The following APBB1 variants were observed in gnomAD, a reference collection of about 807,000 sequenced individuals.
The protein encoded by APBB1 is amyloid beta precursor protein binding family B member 1, also known as adaptor protein FE65a2.
A neutral mutation model predicts 78.4 loss-of-function variants in APBB1; 22 were observed. The observed-to-expected ratio is 0.28, with a 90% CI of 0.20 to 0.40. The LOEUF (loss-of-function observed/expected upper bound fraction) is 0.40, where lower values mean the gene tolerates loss of function less well. Ranked by LOEUF, APBB1 falls within the 10% of genes least tolerant of loss-of-function variation. APBB1 has a pLI of 1.00. For synonymous variants in APBB1, 369 were observed against 372.7 expected (o/e 0.99, Z 0.12); for missense variants, 749 against 932.4 (o/e 0.80, Z 2.56).
At chr11:6,404,174 C>G (rs1848681812) in intron 2 of APBB1, 1 of 355,298 alleles carries the variant, frequency 2.8e-6, no homozygotes, top group Non-Finnish European at 5.1e-6. Flanking sequence ...AAGGTGAACA[C>G]TTTCTAGCTC....
In APBB1 at chr11:6,402,135, G is replaced by C. The variant is rs143708016; in HGVS notation, c.1329C>G (p.His443Gln). The C allele has an allele frequency of 1.9e-6, 3 of 1,614,046 alleles. No homozygotes were observed. The highest frequency in any genetic ancestry group is 3.3e-5 in the Admixed American group (2 of 60,018). Residue 443 changes from histidine to glutamine, a missense_variant, in exon 8 of 15, where the codon CAC becomes CAG. Physicochemically the swap from His to Gln is conservative, Grantham distance 24. Around this residue, in one of 3 missense-constraint regions of APBB1, gnomAD observed 635 missense variants for 765.0 expected, o/e 0.83. Transcript: ENST00000609360. ...CGCGGATGCTGATGATGGGTTGGGC[G>C]TGCAGCAGTGCCTGGCTCTGTGGCT... is the stretch of plus-strand genomic sequence containing the variant. ...LVEPQSQALL[H>Q]AQPIISIRVW...
rs1848179545 is a variant in APBB1 at position 6,395,757 on chromosome 11, A to G, written c.1965+29T>C. On this transcript the variant is annotated intron_variant, in intron 14 of 14. Transcript: ENST00000609360. This position sits in a 1 kb window ranked among gnomAD's most constrained non-coding sequence, Gnocchi z 5.2. ...AGCCTACCTCCCATGGGGCCACGCC[A>G]CCACCACACCACCCTACTAGTAGCT... 1 of 1,605,316 alleles carries G rather than the reference A, an allele frequency of 6.2e-7. No homozygotes were observed. Among genetic ancestry groups the G allele is most frequent in the African/African-American group, 1.4e-5 (1 of 72,528 alleles).
Position 6,400,457 on chromosome 11 carries a change from G to C in APBB1, c.1672+532C>G, listed in dbSNP as rs563821795. Among the ~76,000 whole-genome samples the C allele has an allele frequency of 7.9e-5, 12 of 151,712 alleles. No homozygotes were observed. The East Asian group carries it at 2.1e-3, about 27-fold the overall frequency. The stretch of plus-strand genomic sequence containing the variant: ...TTCAGGAGGCTAAGGCAGGAGAATT[G>C]CTTGAACCCAGGAGGCGGAGGTTGC... On this transcript the variant is annotated intron_variant, in intron 12 of 14. Coordinates refer to ENST00000609360, the MANE Select transcript of APBB1 (RefSeq NM_001164.5).
chr11:6,405,959 G>A lies in APBB1; in HGVS notation c.722-2137C>T, dbSNP rs182906907. ...TGGCTGGACACTTCTGGAATCTGGG[G>A]ACCAGTTCACCATCTCCTGACTGAG... On this transcript the variant is annotated intron_variant, in intron 2 of 14. Coordinates refer to ENST00000609360, the MANE Select transcript of APBB1 (RefSeq NM_001164.5). Among the ~76,000 whole-genome samples the A allele has an allele frequency of 3.9e-5, 6 of 152,264 alleles. No homozygotes were observed. In the East Asian group the frequency reaches 1.2e-3, roughly 29 times the overall value.
intron 12 of APBB1, among the ~76,000 whole-genome samples, chr11:6,400,010 T>C (rs1262069207): frequency 6.6e-6 from 1 of 152,200 alleles, no homozygotes; most frequent in Admixed American, 6.5e-5. Context: ...GAAATTCCTT[T>C]GTTATATCTT....
chr11:6,409,151 T>C (rs1288492991), intron 2 of APBB1, among the ~76,000 whole-genome samples: 1 of 152,038 alleles, frequency 6.6e-6, no homozygotes, highest in East Asian at 1.9e-4. Flanking sequence ...CTCACTGTAG[T>C]CTCGACTTTC....
At chr11:6,397,092 ATGT>A (rs1247689540) in intron 12 of APBB1, among the ~76,000 whole-genome samples, 1 of 152,210 alleles carries the variant, frequency 6.6e-6, no homozygotes, top group Non-Finnish European at 1.5e-5. Flanking sequence ...GCAGGAGCAC[ATGT>A]TGTGGCAAAG....
At chr11:6,398,394 A>C (rs945478085) in intron 12 of APBB1, among the ~76,000 whole-genome samples, 15 of 152,346 alleles carry the variant, frequency 9.8e-5, no homozygotes, top group Admixed American at 8.5e-4. Context: ...TCAGGCATTC[A>C]TTACCACTTG....
rs2134031891 is a variant in APBB1, at chr11:6,395,811, G to A, written c.1940C>T (p.Ser647Leu). Reference protein sequence around the residue: ...FWCEPNAASLSEAVQAACMLR... With the variant: ...FWCEPNAASLLEAVQAACMLR... ...CATGCACGCAGCCTGCACAGCCTCT[G>A]AGAGGCTGGCAGCATTGGGCTCGCA... The change falls in exon 14 of 15, where the codon TCA becomes TTA. Residue 647 changes from serine to leucine, a missense_variant. This residue lies in a region of APBB1 where 96 missense variants were observed against 116.0 expected (regional missense o/e 0.83). Coordinates refer to ENST00000609360, the MANE Select transcript of APBB1 (RefSeq NM_001164.5). The surrounding 1 kb of genome is among the most constrained non-coding windows in gnomAD (Gnocchi z 5.2). 1 of 1,614,106 alleles carries A rather than the reference G, an allele frequency of 6.2e-7. No homozygotes were observed. The highest frequency in any genetic ancestry group is 1.6e-4 in the Middle Eastern group (1 of 6,062).
chr11:6,402,853 G>A lies in APBB1; in HGVS notation c.1105-128C>T, dbSNP rs549495400. The A allele has an allele frequency of 1.3e-5, 16 of 1,225,582 alleles. No individual in the cohort carries two copies. The South Asian group carries it at 1.9e-4, about 14-fold the overall frequency. The allele number at this position is 1,225,582 out of a possible 1,614,324, so 75.9% of individuals were successfully genotyped here. A position where few individuals can be genotyped will look rare whatever the true frequency, so the allele number is the denominator to read the frequency against. On this transcript the variant is annotated intron_variant, in intron 6 of 14. Coordinates refer to ENST00000609360, the MANE Select transcript of APBB1 (RefSeq NM_001164.5). ...CGGAGAAGCTCCCCAAACAGGATGT[G>A]GTTAGGGAGAGGGGGATGTGGTTAG...
At chr11:6,405,003 C>A (rs550525216) in intron 2 of APBB1, 67 of 1,427,238 alleles carry the variant, frequency 4.7e-5, no homozygotes, top group Admixed American at 4.6e-4. Context: ...AGGGAATCTC[C>A]TTGGGGGGTG....
intron 12 of APBB1, among the ~76,000 whole-genome samples, chr11:6,398,354 C>A (rs1211969344): frequency 6.6e-6 from 1 of 152,038 alleles, no homozygotes; most frequent in East Asian, 1.9e-4. Context: ...TTAATGCATG[C>A]CAAGAAGCTA....
chr11:6,401,871 G>A lies in APBB1; in HGVS notation c.1388+106C>T, dbSNP rs1217085721. 6.7e-7 allele frequency: 1 copy of A among 1,492,606 alleles called. No homozygotes were observed. The highest frequency in any genetic ancestry group is 9.1e-7 in the Non-Finnish European group (1 of 1,097,140). 92.5% of individuals were successfully genotyped at this position (1,492,606 alleles called of 1,614,324 possible). A position where few individuals can be genotyped will look rare whatever the true frequency, so the allele number is the denominator to read the frequency against. On this transcript the variant is annotated intron_variant, in intron 9 of 14. Coordinates refer to ENST00000609360, the MANE Select transcript of APBB1 (RefSeq NM_001164.5). The surrounding 1 kb of genome is among the most constrained non-coding windows in gnomAD (Gnocchi z 4.5). Reference sequence around the variant, plus strand: ...ACAGGCAAGCATGCTGAGGTGGAGGGTAATGGTGGAGCATAGCGGGTGGGA... The same window carrying A: ...ACAGGCAAGCATGCTGAGGTGGAGGATAATGGTGGAGCATAGCGGGTGGGA...
Position 6,403,105 on chromosome 11 carries a change from A to G in APBB1, c.1104+40T>C. Reference sequence around the variant, plus strand: ...CATTAGGGGCTGTCTGACAAATAAGAGGGCCCCAGACTCAGAATGGGTGTC... The same window carrying G: ...CATTAGGGGCTGTCTGACAAATAAGGGGGCCCCAGACTCAGAATGGGTGTC... On this transcript the variant is annotated intron_variant, in intron 6 of 14. Coordinates refer to ENST00000609360, the MANE Select transcript of APBB1 (RefSeq NM_001164.5). This position sits in a 1 kb window ranked among gnomAD's most constrained non-coding sequence, Gnocchi z 5.3. 1.3e-6 allele frequency: 2 copies of G among 1,559,500 alleles called. No homozygotes were observed. The highest frequency in any genetic ancestry group is 1.7e-6 in the Non-Finnish European group (2 of 1,150,844).
Position 6,411,288 on chromosome 11 carries a change from G to T in APBB1, c.60C>A (p.Pro20=). The change falls in exon 2 of 15, where the codon CCC becomes CCA. Residue 20 remains proline (P), a synonymous_variant. Transcript: ENST00000609360. The surrounding 1 kb of genome is among the most constrained non-coding windows in gnomAD (Gnocchi z 5.2). ...GCAGAGGCAGGGGTAGGCTCAGTGC[G>T]GGGCCTCCGTGGCTGTTGGCATTAA... ...SAINANSHGG[P]ALSLPLPLHA... The T allele has an allele frequency of 6.3e-7, 1 of 1,577,468 alleles. No individual in the cohort carries two copies.
intron 2 of APBB1, chr11:6,405,451 C>T (rs1848761214): frequency 2.7e-5 from 27 of 987,112 alleles, no homozygotes; most frequent in Non-Finnish European, 3.2e-5. Context: ...CGGCTGGGAG[C>T]GCCCAGACTG....
Position 6,403,716 on chromosome 11 carries a change from C to T in APBB1, c.828G>A (p.Gly276=), listed in dbSNP as rs1848659710. Reference sequence around the variant, plus strand: ...GGCCGGGGGGTTCCCACTGGGTGGTCCCTGTTGGGATGTGCCAGTAATAGG... The same window carrying T: ...GGCCGGGGGGTTCCCACTGGGTGGTTCCTGTTGGGATGTGCCAGTAATAGG... ...SGTYYWHIPT[G]TTQWEPPGRA... is the part of the protein sequence containing the mutation. The change falls in exon 3 of 15, where the codon GGG becomes GGA. Residue 276 remains glycine (G), a synonymous_variant. Transcript: ENST00000609360. This position sits in a 1 kb window ranked among gnomAD's most constrained non-coding sequence, Gnocchi z 5.3. 2 of 1,610,528 alleles carry T rather than the reference C, an allele frequency of 1.2e-6. No homozygotes were observed. The highest frequency in any genetic ancestry group is 3.3e-5 in the Admixed American group (2 of 59,854).
chr11:6,401,654 G>C lies in APBB1; in HGVS notation c.1423C>G (p.Gln475Glu). 6.2e-7 allele frequency: 1 copy of C among 1,614,174 alleles called. No individual in the cohort carries two copies. Among genetic ancestry groups the C allele is most frequent in the Admixed American group, 1.7e-5 (1 of 60,026 alleles). ...CGAAACACGTGGCACTTGAGCATCT[G>C]GGTCAGCTTATCACGAGCTACGTAG... ...FAYVARDKLTQMLKCHVFRCE... is the reference protein window; with the variant it reads ...FAYVARDKLTEMLKCHVFRCE... The change falls in exon 10 of 15, where the codon CAG (glutamine) becomes GAG (glutamate). Residue 475 changes from glutamine (Q) to glutamate (E), a missense_variant. By Grantham distance (29) the Gln-to-Glu change is conservative (BLOSUM62 2). Around this residue, in one of 3 missense-constraint regions of APBB1, gnomAD observed 635 missense variants for 765.0 expected, o/e 0.83. Coordinates refer to ENST00000609360, the MANE Select transcript of APBB1 (RefSeq NM_001164.5). This position sits in a 1 kb window ranked among gnomAD's most constrained non-coding sequence, Gnocchi z 4.5.
chr11:6,412,913 C>T (rs2134105856), intron 1 of APBB1, among the ~76,000 whole-genome samples: 1 of 152,246 alleles, frequency 6.6e-6, no homozygotes, highest in East Asian at 1.9e-4. Context: ...GCTCCCCCTC[C>T]AGACCCCTCC....
Sources: allele counts gnomAD v4.1 joint callset (sites outside exome capture counted in the v4.1 genomes callset), GRCh38; gene constraint gnomAD v4.1.1; regional missense constraint gnomAD v4.1.1; non-coding constraint Gnocchi (gnomAD v3.1); transcripts MANE v1.5; gene names NCBI Gene and HGNC (gene_info 2026-07-23, HGNC 2026-07-21).